Variants in HSPG2 observed in about 807,000 individuals in gnomAD.
The protein encoded by HSPG2 is heparan sulfate proteoglycan 2, also known as basement membrane-specific heparan sulfate proteoglycan core protein.
Under a neutral mutation model 526.6 loss-of-function variants are expected in HSPG2, and 278 were observed. The observed-to-expected ratio is 0.53, with a 90% confidence interval of 0.48 to 0.58. HSPG2 has a LOEUF of 0.58. Ranked by LOEUF, HSPG2 falls within the 20% of genes least tolerant of loss-of-function variation. The pLI, the probability that HSPG2 is intolerant of heterozygous loss-of-function variation, is 0.00. For synonymous variants in HSPG2, 2,465 were observed against 2,555.4 expected (o/e 0.96, Z 1.07); for missense variants, 5,354 against 6,099.5 (o/e 0.88, Z 4.07).
chr1:21,872,044 C>A lies in HSPG2; in HGVS notation c.4221+142G>T, dbSNP rs758471640. On this transcript the variant is annotated intron_variant, in intron 33 of 96. Coordinates refer to ENST00000374695, the MANE Select transcript of HSPG2 (RefSeq NM_005529.7). This position sits in a 1 kb window ranked among gnomAD's most constrained non-coding sequence, Gnocchi z 5.5. ...GCAAGCGGCAGAGCTGGGGTTCAGA[C>A]CAATGTCTATGGGACTGCAAAAGCC... The A allele has an allele frequency of 6.1e-6, 5 of 818,628 alleles. No individual in the cohort carries two copies. Among genetic ancestry groups the A allele is most frequent in the Non-Finnish European group, 8.1e-6 (4 of 496,112 alleles). The allele number at this position is 818,628 out of a possible 1,614,324, so 50.7% of individuals were successfully genotyped here. A position where few individuals can be genotyped will look rare whatever the true frequency, so the allele number is the denominator to read the frequency against.
chr1:21,824,531 A>G lies in HSPG2; in HGVS notation c.12744+6T>C, dbSNP rs1177289618. Reference sequence around the variant, plus strand: ...CCCAAGAGCCCAGCCGGATACCCACACTCACCACACCCTGCCAGAGCAGGA... The same window carrying G: ...CCCAAGAGCCCAGCCGGATACCCACGCTCACCACACCCTGCCAGAGCAGGA... On this transcript the variant is annotated splice_donor_region_variant and intron_variant, in intron 93 of 96. Transcript: ENST00000374695. This position sits in a 1 kb window ranked among gnomAD's most constrained non-coding sequence, Gnocchi z 5.9. The G allele has an allele frequency of 1.2e-6, 2 of 1,612,446 alleles. No homozygotes were observed. Among genetic ancestry groups the G allele is most frequent in the Non-Finnish European group, 8.5e-7 (1 of 1,179,826 alleles).
chr1:21,858,179 C>T lies in HSPG2; in HGVS notation c.5294-794G>A, dbSNP rs11805985. On this transcript the variant is annotated intron_variant, in intron 42 of 96. Transcript: ENST00000374695. This position sits in a 1 kb window ranked among gnomAD's most constrained non-coding sequence, Gnocchi z 4.2. ...GCCTCCTTCCAATCTGGTTTCTATC[C>T]CTTCTCTCCACTGAAAACCGCTCTT... 0.16 allele frequency among the ~76,000 whole-genome samples: 24,127 copies of T among 152,154 alleles called. 3,183 individuals are homozygous for T. Among genetic ancestry groups the T allele is most frequent in the African/African-American group, 0.36 (15,085 of 41,464 alleles).
chr1:21,907,323 C>G (rs1029163263), intron 1 of HSPG2, among the ~76,000 whole-genome samples: 1 of 152,148 alleles, frequency 6.6e-6, no homozygotes, highest in Non-Finnish European at 1.5e-5. Context: ...TTCAGGGCAG[C>G]GACTGAGAAC....
Position 21,873,374 on chromosome 1 carries a change from C to T in HSPG2, c.3793+1G>A. 1 of 1,614,230 alleles carries T rather than the reference C, an allele frequency of 6.2e-7. No individual in the cohort carries two copies. Among genetic ancestry groups the T allele is most frequent in the Non-Finnish European group, 8.5e-7 (1 of 1,180,032 alleles). ...CCAATGACCTCCCCAATCCTACTCA[C>T]TCTGGCATGGCTGGCCCTGGCTGGG... On this transcript the variant is annotated splice_donor_variant, in intron 30 of 96. Transcript: ENST00000374695. LOFTEE classifies it high-confidence loss of function.
In HSPG2 at chr1:21,863,559, G is replaced by A. The variant is rs573141438; in HGVS notation, c.4740+541C>T. On this transcript the variant is annotated intron_variant, in intron 37 of 96. Coordinates refer to ENST00000374695, the MANE Select transcript of HSPG2 (RefSeq NM_005529.7). ...GCGTACCCTGGGGGGCTATATACATGCTACTCTGAAAAGTCAAGGTATAAA... is the reference window on the plus strand; with the variant it reads ...GCGTACCCTGGGGGGCTATATACATACTACTCTGAAAAGTCAAGGTATAAA... Among the ~76,000 whole-genome samples the A allele has an allele frequency of 4.6e-5, 7 of 151,632 alleles. No homozygotes were observed. In the South Asian group the frequency reaches 1.5e-3, roughly 32 times the overall value.
At chr1:21,928,892 A>C (rs1264783248) in intron 1 of HSPG2, among the ~76,000 whole-genome samples, 1 of 152,086 alleles carries the variant, frequency 6.6e-6, no homozygotes, top group Non-Finnish European at 1.5e-5. Context: ...CTGGGATTAC[A>C]GGCATGTGCC....
At position 21,835,203 on chromosome 1, in the gene HSPG2, A is replaced by G. The variant is rs1186924456; in HGVS notation, c.10454-258T>C. 29 of 609,150 alleles carry G rather than the reference A, an allele frequency of 4.8e-5. No individual in the cohort carries two copies. In the East Asian group the frequency reaches 6.7e-4, roughly 14 times the overall value. 37.7% of individuals were successfully genotyped at this position (609,150 alleles called of 1,614,324 possible). A position where few individuals can be genotyped will look rare whatever the true frequency, so the allele number is the denominator to read the frequency against. ...CACAGGTGTGATCACGGCTCACCAC[A>G]GCCTAGAATTCATGCGCTCAAGCAA... On this transcript the variant is annotated intron_variant, in intron 76 of 96. Transcript: ENST00000374695.
intron 33 of HSPG2, chr1:21,870,959 C>G: frequency 1.2e-6 from 1 of 812,042 alleles, no homozygotes; most frequent in Non-Finnish European, 1.5e-6. Flanking sequence ...CAGGAGATAG[C>G]GAACCCCAGA....
chr1:21,885,367 C>G lies in HSPG2; in HGVS notation c.1163G>C (p.Cys388Ser). 6.2e-7 allele frequency: 1 copy of G among 1,614,136 alleles called. No individual in the cohort carries two copies. The highest frequency in any genetic ancestry group is 8.5e-7 in the Non-Finnish European group (1 of 1,180,012). Reference protein sequence around the residue: ...TNMCIPASFHCDEESDCPDRS... With the variant: ...TNMCIPASFHSDEESDCPDRS... Reference sequence around the variant, plus strand: ...GTCAGGACAGTCGCTCTCCTCGTCACAGTGGAAGCTGGCTGGGATGCACAT... The same window carrying G: ...GTCAGGACAGTCGCTCTCCTCGTCAGAGTGGAAGCTGGCTGGGATGCACAT... Residue 388 changes from cysteine to serine, a missense_variant, in exon 10 of 97, where the codon TGT (cysteine) becomes TCT (serine). Coordinates refer to ENST00000374695, the MANE Select transcript of HSPG2 (RefSeq NM_005529.7).
intron 33 of HSPG2, among the ~76,000 whole-genome samples, chr1:21,868,212 T>C (rs1640387363): frequency 6.6e-6 from 1 of 150,780 alleles, no homozygotes; most frequent in Admixed American, 6.6e-5. Flanking sequence ...CTAATTTTTG[T>C]TATTTTAGTA....
At chr1:21,878,904 T>A (rs1572338292) in intron 18 of HSPG2, 90 bp downstream of exon 18, 1 of 1,488,652 alleles carries the variant, frequency 6.7e-7, no homozygotes, top group East Asian at 2.4e-5. Context: ...GAGATCTGAA[T>A]CCAAGTCTCC....
intron 1 of HSPG2, among the ~76,000 whole-genome samples, chr1:21,901,488 G>A (rs899649348): frequency 1.3e-5 from 2 of 152,010 alleles, no homozygotes; most frequent in Middle Eastern, 3.2e-3. Flanking sequence ...AGCAAGGGGT[G>A]GGCAATAGAA....
intron 1 of HSPG2, among the ~76,000 whole-genome samples, chr1:21,917,683 G>A (rs1643922311): frequency 6.6e-6 from 1 of 152,108 alleles, no homozygotes; most frequent in South Asian, 2.1e-4. Flanking sequence ...TAGGCCTTTA[G>A]TCATGTGGTT....
intron 1 of HSPG2, among the ~76,000 whole-genome samples, chr1:21,934,407 G>C (rs1199154764): frequency 6.6e-6 from 1 of 152,208 alleles, no homozygotes; most frequent in African/African-American, 2.4e-5. Context: ...AAGGCTCAGA[G>C]AGAGGAACTC....
chr1:21,825,504 T>C (rs2097969480), intron 91 of HSPG2, among the ~76,000 whole-genome samples: 1 of 152,192 alleles, frequency 6.6e-6, no homozygotes, highest in Non-Finnish European at 1.5e-5. Context: ...GGCGAGTGAC[T>C]GGCCCAGGAT....
intron 56 of HSPG2, 26 bp downstream of exon 56, chr1:21,850,337 C>T (rs372607258): frequency 4.1e-5 from 65 of 1,601,750 alleles, no homozygotes; most frequent in Non-Finnish European, 5.4e-5. Context: ...GGGTCCCCAG[C>T]CCTGCCCTCC....
chr1:21,847,822 G>A lies in HSPG2; in HGVS notation c.7892C>T (p.Pro2631Leu), dbSNP rs1248432427. The change falls in exon 61 of 97, where the codon CCG becomes CTG. Residue 2631 changes from proline to leucine, a missense_variant. Transcript: ENST00000374695. The surrounding 1 kb of genome is among the most constrained non-coding windows in gnomAD (Gnocchi z 4.1). ...GGGGGAAGACGACTCGATCCTGATC[G>A]GTGGGGAGACGCTGGGCACTGGGGA... The part of the protein sequence containing the change: ...GSSHVPSVSP[P>L]IRIESSSPTV... The A allele has an allele frequency of 3.1e-6, 5 of 1,613,798 alleles. No individual in the cohort carries two copies. The African/African-American group carries it at 4.0e-5, about 13-fold the overall frequency.
chr1:21,869,724 G>C (rs895887177), intron 33 of HSPG2: 1 of 985,964 alleles, frequency 1.0e-6, no homozygotes, highest in Non-Finnish European at 1.2e-6. Context: ...AAGGACGTCC[G>C]TGAGGCTTCA....
intron 1 of HSPG2, among the ~76,000 whole-genome samples, chr1:21,900,863 C>T (rs982256816): frequency 1.3e-5 from 2 of 151,854 alleles, no homozygotes; most frequent in Non-Finnish European, 1.5e-5. Flanking sequence ...CCAGCCTGGG[C>T]GACAGAGCAA....
Sources: allele counts gnomAD v4.1 joint callset (sites outside exome capture counted in the v4.1 genomes callset), GRCh38; gene constraint gnomAD v4.1.1; non-coding constraint Gnocchi (gnomAD v3.1); transcripts MANE v1.5; gene names NCBI Gene and HGNC (gene_info 2026-07-23, HGNC 2026-07-21).